ITGB4: variants seen among roughly 807,000 people sequenced by gnomAD.
The protein encoded by ITGB4 is integrin subunit beta 4.
ITGB4 carries 159 observed loss-of-function variants against 207.6 expected under a neutral mutation model. That is an observed-to-expected ratio of 0.77 (90% confidence interval 0.67 to 0.87). ITGB4 has a LOEUF of 0.87. Among genes scored for constraint, ITGB4 ranks in the 40% least tolerant of loss-of-function variants. The pLI is 0.00. For missense variants in ITGB4, 2,278 were observed against 2,546.8 expected, an observed-to-expected ratio of 0.89 and a Z score of 2.27; for synonymous variants, 1,020 against 1,062.7, an observed-to-expected ratio of 0.96 and a Z score of 0.78.
intron 26 of ITGB4, 75 bp downstream of exon 26, chr17:75,743,936 G>A: frequency 6.9e-7 from 1 of 1,449,604 alleles, no homozygotes; most frequent in East Asian, 2.5e-5. Flanking sequence ...CCAAGACAAA[G>A]CAGCACATGG....
At chr17:75,734,285 C>T (rs1398908947) in intron 13 of ITGB4, among the ~76,000 whole-genome samples, 1 of 151,936 alleles carries the variant, frequency 6.6e-6, no homozygotes, top group Non-Finnish European at 1.5e-5. Context: ...TATAGGCATG[C>T]ACCACCATGC....
intron 26 of ITGB4, 32 bp from the exon 27 acceptor site, chr17:75,748,809 A>G (rs920266794): frequency 6.4e-7 from 1 of 1,557,112 alleles, no homozygotes; most frequent in Non-Finnish European, 8.7e-7. Flanking sequence ...GCCCCCAGCC[A>G]TGACCCTGAC....
At chr17:75,741,111 G>A (rs983065046) in intron 23 of ITGB4, 106 bp downstream of exon 23, 5 of 1,315,778 alleles carry the variant, frequency 3.8e-6, no homozygotes, top group Non-Finnish European at 5.3e-6. Context: ...CCATAGGAAG[G>A]GAGGGTCAGA....
chr17:75,750,891 C>G lies in ITGB4; in HGVS notation c.3655+31C>G, dbSNP rs2061352983. Reference sequence around the variant, plus strand: ...GCCTCGCCATGTCTGTCCATTTGTCCCCTGGCTGCCCTGATGCCAGCATGC... The same window carrying G: ...GCCTCGCCATGTCTGTCCATTTGTCGCCTGGCTGCCCTGATGCCAGCATGC... On this transcript the variant is annotated intron_variant, in intron 29 of 39. Transcript: ENST00000200181. This position sits in a 1 kb window ranked among gnomAD's most constrained non-coding sequence, Gnocchi z 5.5. 6.2e-7 allele frequency: 1 copy of G among 1,613,252 alleles called. No individual in the cohort carries two copies. The highest frequency in any genetic ancestry group is 8.5e-7 in the Non-Finnish European group (1 of 1,179,962).
chr17:75,728,065 G>C (rs531675859), intron 5 of ITGB4, among the ~76,000 whole-genome samples: 1 of 152,174 alleles, frequency 6.6e-6, no homozygotes, highest in Non-Finnish European at 1.5e-5. Flanking sequence ...CAGGGCAGGC[G>C]GGCAGTGGAG....
rs1599201985 is a variant in ITGB4, at chr17:75,722,894, T to C, written c.-11+1282T>C. Among the ~76,000 whole-genome samples, 1 of 151,938 alleles carries C rather than the reference T, an allele frequency of 6.6e-6. No homozygotes were observed. Among genetic ancestry groups the C allele is most frequent in the Non-Finnish European group, 1.5e-5 (1 of 67,954 alleles). On this transcript the variant is annotated intron_variant, in intron 1 of 39. Transcript: ENST00000200181. This position sits in a 1 kb window ranked among gnomAD's most constrained non-coding sequence, Gnocchi z 6.2. ...GGTACATAAAGTCGGGGCAGCCTGG[T>C]GGGGTCCGGGCCGCCTGGAGAGTAG...
chr17:75,730,755 C>T (rs1599229891), intron 8 of ITGB4, 120 bp from the exon 9 acceptor site: 2 of 1,085,080 alleles, frequency 1.8e-6, no homozygotes, highest in East Asian at 2.4e-5. Flanking sequence ...AGAGGGCAGG[C>T]TCTGCGACAC....
At position 75,752,313 on chromosome 17, in the gene ITGB4, G is replaced by A. The variant is rs758780854; in HGVS notation, c.3933G>A (p.Glu1311=). ...GGGCCGGCTGGGGGCCTGAGCGGGA[G>A]GCCATCATCAACCTGGCCACCCAGC... ...RNGAGWGPER[E]AIINLATQPK... is the part of the protein sequence containing the mutation. The change falls in exon 31 of 40, where the codon GAG becomes GAA. Residue 1311 remains glutamate, a synonymous_variant. Transcript: ENST00000200181. 6.2e-7 allele frequency: 1 copy of A among 1,613,070 alleles called. No individual in the cohort carries two copies. Among genetic ancestry groups the A allele is most frequent in the East Asian group, 2.2e-5 (1 of 44,886 alleles).
intron 18 of ITGB4, among the ~76,000 whole-genome samples, chr17:75,738,201 C>A (rs940617758): frequency 6.6e-6 from 1 of 152,076 alleles, no homozygotes; most frequent in Non-Finnish European, 1.5e-5. Flanking sequence ...CCCCCACCCC[C>A]ACCTTGGCAA....
rs781092773 is a variant in ITGB4 at position 75,731,791 on chromosome 17, C to A, written c.1216-21C>A. ...GTCCTTGGGGCTGGGCCTGCCTTGG[C>A]TGACCACGGGGCCCCTGCAGGGTAT... is the stretch of plus-strand genomic sequence containing the variant. On this transcript the variant is annotated intron_variant, in intron 10 of 39. Coordinates refer to ENST00000200181, the MANE Select transcript of ITGB4 (RefSeq NM_000213.5). This position sits in a 1 kb window ranked among gnomAD's most constrained non-coding sequence, Gnocchi z 6.8. 6.4e-7 allele frequency: 1 copy of A among 1,559,162 alleles called. No homozygotes were observed. Among genetic ancestry groups the A allele is most frequent in the Non-Finnish European group, 8.7e-7 (1 of 1,150,510 alleles).
At chr17:75,748,181 G>A (rs1470167326) in intron 26 of ITGB4, among the ~76,000 whole-genome samples, 1 of 118,814 alleles carries the variant, frequency 8.4e-6, no homozygotes, top group East Asian at 2.5e-4. Flanking sequence ...GGCAACATAG[G>A]GTAACCGTGC....
rs2060741099 is a variant in ITGB4, at chr17:75,727,348, T to C, written c.163-56T>C. The C allele has an allele frequency of 3.7e-6, 6 of 1,612,626 alleles. No individual in the cohort carries two copies. In the South Asian group the frequency reaches 5.5e-5, roughly 15 times the overall value. ...ATAGCTGGTGGAAATGAATCTAGGG[T>C]TGGGGCAGCCAGGGAATGGGTGCTG... On this transcript the variant is annotated intron_variant, in intron 3 of 39. Coordinates refer to ENST00000200181, the MANE Select transcript of ITGB4 (RefSeq NM_000213.5). The surrounding 1 kb of genome is among the most constrained non-coding windows in gnomAD (Gnocchi z 6.0).
chr17:75,756,016 C>A (rs1284180899), intron 35 of ITGB4, among the ~76,000 whole-genome samples, 166 bp downstream of exon 35: 1 of 152,222 alleles, frequency 6.6e-6, no homozygotes, highest in East Asian at 1.9e-4. Flanking sequence ...CACCCCACTT[C>A]TTTGCCTCCC....
chr17:75,740,248 G>A lies in ITGB4; in HGVS notation c.2447-110G>A. The A allele has an allele frequency of 8.0e-7, 1 of 1,254,202 alleles. No individual in the cohort carries two copies. The highest frequency in any genetic ancestry group is 1.1e-6 in the Non-Finnish European group (1 of 881,578). The allele number at this position is 1,254,202 out of a possible 1,614,324, so 77.7% of individuals were successfully genotyped here. ...CATGCCTCGGTGTGCGTGGCCTGCT[G>A]GCCAGGCATCCCCTGATCCTAGCAT... On this transcript the variant is annotated intron_variant, in intron 20 of 39. Coordinates refer to ENST00000200181, the MANE Select transcript of ITGB4 (RefSeq NM_000213.5). This position sits in a 1 kb window ranked among gnomAD's most constrained non-coding sequence, Gnocchi z 5.9.
At position 75,735,412 on chromosome 17, in the gene ITGB4, C is replaced by CTTTT. The variant is rs71361693; in HGVS notation, c.1658-623_1658-620dup. ...GACAGTTTTATTTCTTTTTTCTTTT[C>CTTTT]TTTTTTTTTTTTTTTTTTTGAGACG... is the stretch of plus-strand genomic sequence containing the variant. On this transcript the variant is annotated intron_variant, in intron 13 of 39. Transcript: ENST00000200181. 3.3e-4 allele frequency among the ~76,000 whole-genome samples: 34 copies of CTTTT among 102,850 alleles called. 1 individual carries two copies. Among genetic ancestry groups the CTTTT allele is most frequent in the Admixed American group, 6.9e-4 (6 of 8,642 alleles). The allele number at this position is 102,850 out of a possible 152,430, so 67.5% of individuals were successfully genotyped here.
Position 75,736,414 on chromosome 17 carries a change from C to T in ITGB4, c.1860+28C>T, listed in dbSNP as rs201086227. ...GAGGCTAAGACCTACGAGGTGTGGG[C>T]GTGGGAACAGGGCAGGCACAGGGCA... On this transcript the variant is annotated intron_variant, in intron 15 of 39. Coordinates refer to ENST00000200181, the MANE Select transcript of ITGB4 (RefSeq NM_000213.5). 199 of 1,611,284 alleles carry T rather than the reference C, an allele frequency of 1.2e-4. No individual in the cohort carries two copies. In the African/African-American group the frequency reaches 1.9e-3, roughly 16 times the overall value.
Position 75,729,446 on chromosome 17 carries a change from G to A in ITGB4, c.738+10G>A, listed in dbSNP as rs957039802. ...GACAGCTGTGTGCACGGTGGGCACT[G>A]GGAAGGGTGCTGCCAGCCTAGGCCA... is the stretch of plus-strand genomic sequence containing the variant. On this transcript the variant is annotated intron_variant, in intron 7 of 39. Coordinates refer to ENST00000200181, the MANE Select transcript of ITGB4 (RefSeq NM_000213.5). The surrounding 1 kb of genome is among the most constrained non-coding windows in gnomAD (Gnocchi z 4.4). 4.3e-6 allele frequency: 7 copies of A among 1,613,172 alleles called. No homozygotes were observed. The highest frequency in any genetic ancestry group is 5.9e-6 in the Non-Finnish European group (7 of 1,179,536).
At position 75,733,594 on chromosome 17, in the gene ITGB4, G is replaced by A. The variant is rs776292412; in HGVS notation, c.1559G>A (p.Cys520Tyr). The change falls in exon 13 of 40, where the codon TGC (cysteine) becomes TAC (tyrosine). Residue 520 changes from cysteine (C) to tyrosine (Y), a missense_variant. Cys to Tyr is a radical substitution (Grantham distance 194). Coordinates refer to ENST00000200181, the MANE Select transcript of ITGB4 (RefSeq NM_000213.5). ...KPCSGRGECQ[C>Y]GHCVCYGEGR... ...TGCTCCGGCCGTGGGGAGTGCCAGT[G>A]CGGGCACTGTGTGTGCTACGGCGAA... 1 of 1,614,128 alleles carries A rather than the reference G, an allele frequency of 6.2e-7. No homozygotes were observed.
At chr17:75,723,247 T>TC (rs775598226) in intron 1 of ITGB4, among the ~76,000 whole-genome samples, 1 of 152,040 alleles carries the variant, frequency 6.6e-6, no homozygotes, top group East Asian at 1.9e-4. Flanking sequence ...TGAAATCATC[T>TC]CCCGCCGGGC....
Sources: gnomAD v4.1 joint callset for allele counts (sites outside exome capture counted in the v4.1 genomes callset) on GRCh38, gnomAD v4.1.1 for gene constraint, Gnocchi (gnomAD v3.1) non-coding constraint, MANE v1.5 for transcripts, NCBI Gene and HGNC (gene_info 2026-07-23, HGNC 2026-07-21) for gene names.